DST: variants seen among roughly 807,000 people sequenced by gnomAD.
The protein encoded by DST is bullous pemphigoid antigen.
Under a neutral mutation model 875.2 loss-of-function variants are expected in DST, and 253 were observed. The ratio of observed to expected loss-of-function variants is 0.29; its 90% CI spans 0.26 to 0.32. DST has a LOEUF of 0.32. DST is among the 10% of genes least tolerant of loss of function. The pLI is 1.00. For missense variants in DST, 8,287 were observed against 9,111.6 expected (o/e 0.91, Z 3.68); for synonymous variants, 3,124 against 3,197.1 (o/e 0.98, Z 0.77).
Position 56,594,163 on chromosome 6 carries a change from G to C in DST, c.12226C>G (p.Gln4076Glu), listed in dbSNP as rs1389769943. 1 of 1,544,188 alleles carries C rather than the reference G, an allele frequency of 6.5e-7. No homozygotes were observed. The highest frequency in any genetic ancestry group is 8.7e-7 in the Non-Finnish European group (1 of 1,151,222). ...AQHEKIISQH[Q>E]AVIIATQSAQ... ...GACTGAGTGGCTATGATCACTGCTTGGTGCTGAGAGATGATCTTCTCGTGT... is the reference window on the plus strand; with the variant it reads ...GACTGAGTGGCTATGATCACTGCTTCGTGCTGAGAGATGATCTTCTCGTGT... Residue 4076 changes from glutamine to glutamate, a missense_variant, in exon 48 of 104, where the codon CAA becomes GAA. Gln to Glu is a conservative substitution (Grantham distance 29, BLOSUM62 2). Around this residue, in one of 10 missense-constraint regions of DST, gnomAD observed 1,513 missense variants for 1,677.8 expected, o/e 0.90. Transcript: ENST00000680361.
intron 3 of DST, among the ~76,000 whole-genome samples, chr6:56,879,331 A>T (rs9475740): frequency 6.6e-6 from 1 of 152,000 alleles, no homozygotes; most frequent in Non-Finnish European, 1.5e-5. Context: ...ATTAGCCAGG[A>T]GCGGTGGCAG....
At chr6:56,635,888 T>A (rs1484594787) in intron 23 of DST, among the ~76,000 whole-genome samples, 174 bp from the exon 24 acceptor site, 1 of 152,182 alleles carries the variant, frequency 6.6e-6, no homozygotes, top group African/African-American at 2.4e-5. Context: ...ACCCTTGAAG[T>A]TGAATAGTTA....
intron 4 of DST, among the ~76,000 whole-genome samples, chr6:56,830,695 A>G (rs1562067171): frequency 6.6e-6 from 1 of 152,248 alleles, no homozygotes; most frequent in Non-Finnish European, 1.5e-5. Flanking sequence ...AGTCAGCAAC[A>G]GAACTTTTCA....
intron 5 of DST, among the ~76,000 whole-genome samples, chr6:56,733,080 T>C (rs183143686): frequency 1.3e-5 from 2 of 152,174 alleles, no homozygotes; most frequent in Admixed American, 1.3e-4. Context: ...GTGAGAAGAA[T>C]GTGTGGGAGA....
At chr6:56,848,456 G>A (rs1562162640) in intron 4 of DST, among the ~76,000 whole-genome samples, 1 of 152,218 alleles carries the variant, frequency 6.6e-6, no homozygotes, top group African/African-American at 2.4e-5. Context: ...GAGGGGGTAA[G>A]TTTCAGGAAG....
intron 4 of DST, among the ~76,000 whole-genome samples, chr6:56,788,823 A>T (rs1002762711): frequency 9.2e-5 from 14 of 152,222 alleles, no homozygotes; most frequent in Non-Finnish European, 1.9e-4. Context: ...ATTACTACAA[A>T]TAGTACTGTG....
chr6:56,618,290 G>A (rs748919020), intron 36 of DST: 4 of 1,614,120 alleles, frequency 2.5e-6, no homozygotes, highest in Non-Finnish European at 3.4e-6. Context: ...TGGTTCTTGA[G>A]TCCATCTCAA....
intron 5 of DST, among the ~76,000 whole-genome samples, chr6:56,722,397 T>TTTATTTA (rs1434146611): frequency 6.8e-6 from 1 of 146,814 alleles, no homozygotes; most frequent in South Asian, 2.3e-4. Context: ...TATTTATTTA[T>TTTATTTA]TTTTGAGACG....
chr6:56,640,626 G>C (rs377165321), intron 17 of DST, 21 bp from the exon 18 acceptor site: 61 of 1,586,338 alleles, frequency 3.8e-5, no homozygotes, highest in Non-Finnish European at 5.0e-5. Flanking sequence ...AATCCAAAGG[G>C]ATAAGGTGAA....
chr6:56,516,205 G>C (rs562847798), intron 71 of DST, among the ~76,000 whole-genome samples: 6 of 151,810 alleles, frequency 4.0e-5, no homozygotes, highest in African/African-American at 1.5e-4. Flanking sequence ...GAAGGAGAAA[G>C]AGAAAGAGGA....
At position 56,613,600 on chromosome 6, in the gene DST, G is replaced by A. The variant is rs1032829242; in HGVS notation, c.5058+756C>T. ...TAGGAAAGTATTCCTTGAGAAAAAC[G>A]CTTCTTATCTTAGCGGAAATTTATT... On this transcript the variant is annotated intron_variant, in intron 37 of 103. Coordinates refer to ENST00000680361, the MANE Select transcript of DST (RefSeq NM_001374736.1). Among the ~76,000 whole-genome samples, 8 of 151,962 alleles carry A rather than the reference G, an allele frequency of 5.3e-5. No individual in the cohort carries two copies. The East Asian group carries it at 1.5e-3, about 29-fold the overall frequency.
intron 4 of DST, among the ~76,000 whole-genome samples, chr6:56,771,053 G>A (rs1007266744): frequency 1.3e-5 from 2 of 150,230 alleles, no homozygotes; most frequent in African/African-American, 4.9e-5. Flanking sequence ...CAAGGAGTAA[G>A]GTAGGAATTT....
rs866866061 is a variant in DST, at chr6:56,553,277, T to G, written c.15515A>C (p.Lys5172Thr). 6.2e-7 allele frequency: 1 copy of G among 1,613,752 alleles called. No homozygotes were observed. Among genetic ancestry groups the G allele is most frequent in the African/African-American group, 1.3e-5 (1 of 75,068 alleles). ...KESLEKALKY[K>T]EQVETLWPWI... ...TGGCCAGAGAGTCTCTACTTGCTCT[T>G]TATACTTAAGGGCTTTTTCCAATGA... Residue 5172 changes from lysine to threonine, a missense_variant, in exon 61 of 104, where the codon AAA becomes ACA. Lys to Thr is a moderately conservative substitution (Grantham distance 78, BLOSUM62 -1). Transcript: ENST00000680361.
At chr6:56,538,156 G>T (rs2097049609) in intron 61 of DST, among the ~76,000 whole-genome samples, 1 of 151,890 alleles carries the variant, frequency 6.6e-6, no homozygotes, top group Non-Finnish European at 1.5e-5. Context: ...CTAATTAAAA[G>T]AAAATTTTTT....
At chr6:56,823,463 T>G (rs992858153) in intron 4 of DST, among the ~76,000 whole-genome samples, 1 of 152,070 alleles carries the variant, frequency 6.6e-6, no homozygotes, top group Non-Finnish European at 1.5e-5. Flanking sequence ...CAGGCTGGAG[T>G]GCAGTGCCGC....
rs937022833 is a variant in DST, at chr6:56,561,376, T to C, written c.14242A>G (p.Thr4748Ala). Reference protein sequence around the residue: ...QWLQKMNKTATKWQQTPAPTD... With the variant: ...QWLQKMNKTAAKWQQTPAPTD... Reference sequence around the variant, plus strand: ...GGTGCAGGTGTCTGCTGCCATTTTGTTGCAGTTTTGTTCATTTTCTGTAAC... The same window carrying C: ...GGTGCAGGTGTCTGCTGCCATTTTGCTGCAGTTTTGTTCATTTTCTGTAAC... The change falls in exon 57 of 104, where the codon ACA becomes GCA. Residue 4748 changes from threonine to alanine, a missense_variant. This residue lies in a region of DST where 1,513 missense variants were observed against 1,677.8 expected (regional missense o/e 0.90). Coordinates refer to ENST00000680361, the MANE Select transcript of DST (RefSeq NM_001374736.1). 2 of 1,613,744 alleles carry C rather than the reference T, an allele frequency of 1.2e-6. No homozygotes were observed. The highest frequency in any genetic ancestry group is 1.3e-5 in the African/African-American group (1 of 74,940).
chr6:56,786,472 C>T (rs928903886), intron 4 of DST, among the ~76,000 whole-genome samples: 1 of 152,172 alleles, frequency 6.6e-6, no homozygotes, highest in African/African-American at 2.4e-5. Context: ...TCCATAGTTG[C>T]TGATTACTTC....
At chr6:56,489,427 G>A (rs914890432) in intron 86 of DST, 63 bp downstream of exon 86, 2 of 1,473,790 alleles carry the variant, frequency 1.4e-6, no homozygotes, top group African/African-American at 2.8e-5. Flanking sequence ...GATGAAGTAA[G>A]GATTTTAAAG....
Position 56,634,502 on chromosome 6 carries a change from C to A in DST, c.3454G>T (p.Val1152Phe), listed in dbSNP as rs199698356. 6.2e-6 allele frequency: 10 copies of A among 1,614,134 alleles called. No homozygotes were observed. The African/African-American group carries it at 1.3e-4, about 22-fold the overall frequency. Residue 1152 changes from valine (V) to phenylalanine (F), a missense_variant, in exon 26 of 104, where the codon GTT becomes TTT. Val to Phe is a conservative substitution (Grantham distance 50). Transcript: ENST00000680361. ...EAMVPSVCFT[V>F]PPPNKEAVDL... ...ACCGCTTCTTTGTTTGGTGGAGGAA[C>A]GGTGAAGCACACAGATGGGACCATA...
Sources: gnomAD v4.1 joint callset for allele counts (sites outside exome capture counted in the v4.1 genomes callset) on GRCh38, gnomAD v4.1.1 for gene constraint, gnomAD v4.1.1 regional missense constraint, MANE v1.5 for transcripts, NCBI Gene and HGNC (gene_info 2026-07-23, HGNC 2026-07-21) for gene names.